CPVL: variants seen among roughly 807,000 people sequenced by gnomAD.
CPVL encodes the protein probable serine carboxypeptidase CPVL.
Under a neutral mutation model 63.7 loss-of-function variants are expected in CPVL, and 51 were observed. The ratio of observed to expected loss-of-function variants is 0.80; its 90% confidence interval spans 0.64 to 1.01. CPVL has a LOEUF of 1.01. Among genes scored for constraint, CPVL ranks in the 50% least tolerant of loss-of-function variants. The probability of loss-of-function intolerance (pLI) is 0.00; values close to 1 mark genes in which losing one functional copy is unlikely to be tolerated. For missense variants in CPVL, 530 were observed against 573.1 expected, an observed-to-expected ratio of 0.92 and a Z score of 0.77; for synonymous variants, 195 against 206.0, an observed-to-expected ratio of 0.95 and a Z score of 0.46.
intron 5 of CPVL, among the ~76,000 whole-genome samples, chr7:29,176,058 C>T (rs528809819): frequency 1.4e-4 from 21 of 151,962 alleles, no homozygotes; most frequent in Non-Finnish European, 2.5e-4. Flanking sequence ...TGGTGGTGGG[C>T]GCCTGTAGTC....
chr7:29,160,393 C>A (rs146648700), intron 5 of CPVL, among the ~76,000 whole-genome samples: 1 of 152,154 alleles, frequency 6.6e-6, no homozygotes, highest in African/African-American at 2.4e-5. Context: ...CATGTCATTC[C>A]CCTTCCTGTT....
chr7:29,149,175 G>C (rs76620095), upstream of CPVL, among the ~76,000 whole-genome samples: 7,523 of 147,864 alleles, frequency 0.051, 243 homozygotes, highest in Middle Eastern at 0.097. Flanking sequence ...TAGTAGATTG[G>C]GAAGTCTGTT....
intron 3 of CPVL, among the ~76,000 whole-genome samples, chr7:29,099,710 T>G (rs1786880828): frequency 6.6e-6 from 1 of 152,138 alleles, no homozygotes; most frequent in Non-Finnish European, 1.5e-5. Flanking sequence ...AGATTCTGTC[T>G]CAAATAATAA....
chr7:29,161,215 A>G (rs1180395875), intron 5 of CPVL, among the ~76,000 whole-genome samples: 1 of 152,166 alleles, frequency 6.6e-6, no homozygotes, highest in African/African-American at 2.4e-5. Flanking sequence ...GTCTTAGCAC[A>G]TGAGGGTTTG....
At chr7:29,148,155 C>G (rs1409184620), upstream of CPVL, among the ~76,000 whole-genome samples, 1 of 152,216 alleles carries the variant, frequency 6.6e-6, no homozygotes. Flanking sequence ...ACCCTTGAAG[C>G]AGGCTCAGTG....
chr7:29,022,692 C>A (rs1787124965), intron 12 of CPVL, among the ~76,000 whole-genome samples: 1 of 152,234 alleles, frequency 6.6e-6, no homozygotes, highest in Non-Finnish European at 1.5e-5. Context: ...ATCAGCCCTG[C>A]CTGCCACAGC....
At chr7:29,126,589 C>T (rs1790046561) in intron 1 of CPVL, 1 of 152,140 alleles carries the variant, frequency 6.6e-6, no homozygotes, top group South Asian at 2.1e-4. Flanking sequence ...GAATCAAAAA[C>T]AAAACCTGCA....
upstream of CPVL, chr7:29,148,723 AAAGAAAAAAC>A (rs1194278987): frequency 6.6e-6 from 1 of 152,226 alleles, no homozygotes; most frequent in Non-Finnish European, 1.5e-5. Flanking sequence ...ACTTGATTAA[AAAGAAAAAAC>A]AAGAAAAAAG....
At chr7:29,087,961 G>C (rs545722691) in intron 6 of CPVL, among the ~76,000 whole-genome samples, 2 of 152,328 alleles carry the variant, frequency 1.3e-5, no homozygotes, top group South Asian at 2.1e-4. Flanking sequence ...GCTGGCTTTA[G>C]AGTGCAGATA....
intron 5 of CPVL, among the ~76,000 whole-genome samples, chr7:29,158,229 T>G (rs995188551): frequency 6.6e-6 from 1 of 152,202 alleles, no homozygotes; most frequent in Non-Finnish European, 1.5e-5. Context: ...AAGGACTATC[T>G]TCCTTCAGTG....
At chr7:29,084,534 T>C (rs937212750) in intron 7 of CPVL, among the ~76,000 whole-genome samples, 2 of 152,222 alleles carry the variant, frequency 1.3e-5, no homozygotes, top group Admixed American at 6.5e-5. Context: ...CCTACCTCTC[T>C]AGAATGTAGG....
Position 29,050,516 on chromosome 7 carries a change from T to G in CPVL, c.1137+13545A>C, listed in dbSNP as rs543459031. Among the ~76,000 whole-genome samples, 6 of 152,238 alleles carry G rather than the reference T, an allele frequency of 3.9e-5. No individual in the cohort carries two copies. In the South Asian group the frequency reaches 1.0e-3, roughly 26 times the overall value. Reference sequence around the variant, plus strand: ...GAATTGTAAAATGGCCCAGATACTTTGCAATAAACACTTTGGCAGTTCTTC... The same window carrying G: ...GAATTGTAAAATGGCCCAGATACTTGGCAATAAACACTTTGGCAGTTCTTC... On this transcript the variant is annotated intron_variant, in intron 11 of 12. Transcript: ENST00000265394.
chr7:29,104,176 T>C (rs1787492070), intron 3 of CPVL, among the ~76,000 whole-genome samples: 1 of 152,252 alleles, frequency 6.6e-6, no homozygotes, highest in African/African-American at 2.4e-5. Context: ...TTTCAAGTGG[T>C]TGGTGTTGAC....
intron 1 of CPVL, among the ~76,000 whole-genome samples, chr7:29,139,531 T>TGG (rs142548703): frequency 2.1e-5 from 2 of 96,620 alleles, no homozygotes; most frequent in African/African-American, 7.2e-5. Context: ...AGGCTATTCT[T>TGG]GGGGGGGCAG....
At chr7:29,122,152 G>C (rs551189876) in intron 1 of CPVL, 1 of 152,296 alleles carries the variant, frequency 6.6e-6, no homozygotes, top group East Asian at 1.9e-4. Context: ...AAAAACGACT[G>C]AATGGTATTT....
intron 11 of CPVL, among the ~76,000 whole-genome samples, chr7:29,061,159 G>A (rs1179240852): frequency 1.3e-5 from 2 of 152,172 alleles, no homozygotes; most frequent in East Asian, 3.9e-4. Flanking sequence ...TGTAATCCCA[G>A]CACTTTGGGA....
chr7:29,172,358 C>T, intron 5 of CPVL, among the ~76,000 whole-genome samples: 1 of 152,178 alleles, frequency 6.6e-6, no homozygotes, highest in East Asian at 1.9e-4. Flanking sequence ...GACTTCTACA[C>T]CTAGGCTCAC....
intron 12 of CPVL, among the ~76,000 whole-genome samples, chr7:29,004,517 TG>T (rs1348126986): frequency 1.3e-5 from 2 of 152,238 alleles, no homozygotes; most frequent in African/African-American, 2.4e-5. Context: ...TCTCTTTCCT[TG>T]GGCAGTATAG....
At chr7:29,100,616 A>T (rs1431058473) in intron 3 of CPVL, among the ~76,000 whole-genome samples, 1 of 152,178 alleles carries the variant, frequency 6.6e-6, no homozygotes, top group East Asian at 1.9e-4. Context: ...CCCACACTAC[A>T]AAGTCAAGTC....
Sources: gnomAD v4.1 joint callset for allele counts (sites outside exome capture counted in the v4.1 genomes callset) on GRCh38, gnomAD v4.1.1 for gene constraint, MANE v1.5 for transcripts, NCBI Gene and HGNC (gene_info 2026-07-23, HGNC 2026-07-21) for gene names.